The following PARP11 variants were observed in gnomAD, a reference collection of about 807,000 sequenced individuals.
PARP11 encodes the protein protein mono-ADP-ribosyltransferase PARP11.
PARP11 carries 31 observed loss-of-function variants against 42.9 expected under a neutral mutation model. The observed-to-expected ratio is 0.72, with a 90% CI of 0.54 to 0.98. The LOEUF (loss-of-function observed/expected upper bound fraction) is 0.98. PARP11 is among the 50% of genes least tolerant of loss of function. PARP11 has a pLI of 0.00. For missense variants in PARP11, 365 were observed against 413.1 expected (o/e 0.88, Z 1.01); for synonymous variants, 137 against 127.3 (o/e 1.08, Z -0.51).
At chr12:3,824,803 A>G (rs572834059) in intron 4 of PARP11, 2 of 158,480 alleles carry the variant, frequency 1.3e-5, no homozygotes, top group African/African-American at 4.8e-5. Flanking sequence ...TTTCTCCCAG[A>G]TTAAATACTT....
intron 1 of PARP11, among the ~76,000 whole-genome samples, chr12:3,847,541 G>A (rs1307492160): frequency 1.3e-5 from 2 of 152,086 alleles, no homozygotes; most frequent in Non-Finnish European, 2.9e-5. Context: ...CAACATGACA[G>A]ATCACAACAA....
At chr12:3,839,626 C>T (rs1362635909) in intron 1 of PARP11, 12 of 1,037,534 alleles carry the variant, frequency 1.2e-5, no homozygotes, top group African/African-American at 1.6e-5. Flanking sequence ...AATAAGTGCC[C>T]TTTCTCTTAT....
At chr12:3,838,594 TAATA>T (rs1284426263) in intron 1 of PARP11, among the ~76,000 whole-genome samples, 2 of 151,822 alleles carry the variant, frequency 1.3e-5, no homozygotes, top group Non-Finnish European at 2.9e-5. Flanking sequence ...CAGAAGGAAA[TAATA>T]AATACCAGAG....
chr12:3,838,302 T>C (rs1349624081), intron 1 of PARP11, among the ~76,000 whole-genome samples: 2 of 151,956 alleles, frequency 1.3e-5, no homozygotes, highest in African/African-American at 4.8e-5. Flanking sequence ...GGAGGAACTT[T>C]GGAAACTACA....
At chr12:3,832,109 C>G (rs1242896151) in intron 1 of PARP11, 1 of 972,878 alleles carries the variant, frequency 1.0e-6, no homozygotes, top group Non-Finnish European at 1.2e-6. Context: ...TATAAAACAC[C>G]TTACCTAAGA....
At chr12:3,838,840 C>T (rs4614536) in intron 1 of PARP11, among the ~76,000 whole-genome samples, 1 of 152,188 alleles carries the variant, frequency 6.6e-6, no homozygotes, top group Non-Finnish European at 1.5e-5. Context: ...CGGCTCCCGG[C>T]GTGGGGAGCG....
chr12:3,861,343 T>C lies in PARP11; in HGVS notation c.18+11869A>G, dbSNP rs571149593. ...ATCATGAAGGCAAAGTCCTCATAAA[T>C]GGCATTAAGGCTTTTCTTAATATTT... On this transcript the variant is annotated intron_variant, in intron 1 of 7. Transcript: ENST00000228820. The surrounding 1 kb of genome is among the most constrained non-coding windows in gnomAD (Gnocchi z 4.6). Among the ~76,000 whole-genome samples, 1 of 152,368 alleles carries C rather than the reference T, an allele frequency of 6.6e-6. No individual in the cohort carries two copies. The highest frequency in any genetic ancestry group is 2.1e-4 in the South Asian group (1 of 4,832).
chr12:3,872,875 G>C (rs1357368137), intron 1 of PARP11: 2 of 829,216 alleles, frequency 2.4e-6, no homozygotes, highest in Non-Finnish European at 2.9e-6. Flanking sequence ...GCGGTGGGCC[G>C]AGATCACGCC....
intron 1 of PARP11, among the ~76,000 whole-genome samples, chr12:3,836,062 CAT>C (rs1001243656): frequency 7.9e-5 from 12 of 151,610 alleles, no homozygotes; most frequent in African/African-American, 2.2e-4. Context: ...CACTCACACA[CAT>C]ATATATGTGT....
intron 1 of PARP11, chr12:3,839,358 C>G: frequency 6.5e-7 from 1 of 1,537,994 alleles, no homozygotes; most frequent in Non-Finnish European, 8.7e-7. Flanking sequence ...CGGGGCCCCG[C>G]GAGGACGCGA....
At chr12:3,855,097 A>T (rs1160368094) in intron 1 of PARP11, among the ~76,000 whole-genome samples, 2 of 152,220 alleles carry the variant, frequency 1.3e-5, no homozygotes, top group African/African-American at 4.8e-5. Flanking sequence ...TCATGCTAAA[A>T]ACTCTCAATA....
intron 1 of PARP11, among the ~76,000 whole-genome samples, chr12:3,834,384 G>C (rs2138055626): frequency 6.6e-6 from 1 of 152,292 alleles, no homozygotes; most frequent in South Asian, 2.1e-4. Flanking sequence ...TGTGATCCCA[G>C]CACTTTGGGA....
At chr12:3,814,781 C>G (rs1947252198) in intron 6 of PARP11, among the ~76,000 whole-genome samples, 1 of 111,532 alleles carries the variant, frequency 9.0e-6, no homozygotes, top group Admixed American at 9.3e-5. Flanking sequence ...AATTATTTCA[C>G]AGAGAAATGA....
chr12:3,831,538 T>C lies in PARP11; in HGVS notation c.19-1520A>G, dbSNP rs188163367. Among the ~76,000 whole-genome samples, 81 of 152,242 alleles carry C rather than the reference T, an allele frequency of 5.3e-4. 1 individual carries two copies. The highest frequency in any genetic ancestry group is 4.4e-5 in the Non-Finnish European group (3 of 67,978). ...GATAGACTCCTTCCTCATTGGGATGTTGTTATAAATGAATGAGACAATGTT... is the reference window on the plus strand; with the variant it reads ...GATAGACTCCTTCCTCATTGGGATGCTGTTATAAATGAATGAGACAATGTT... On this transcript the variant is annotated intron_variant, in intron 1 of 7. Coordinates refer to ENST00000228820, the MANE Select transcript of PARP11 (RefSeq NM_020367.6).
chr12:3,846,561 C>T (rs1264099252), intron 1 of PARP11, among the ~76,000 whole-genome samples: 1 of 149,570 alleles, frequency 6.7e-6, no homozygotes, highest in Non-Finnish European at 1.5e-5. Context: ...TCGAGACCAT[C>T]CTGGCTAACA....
chr12:3,839,548 A>G, intron 1 of PARP11: 1 of 1,542,532 alleles, frequency 6.5e-7, no homozygotes. Flanking sequence ...TGAAGCGATT[A>G]TAGGAGGATC....
In PARP11 at chr12:3,840,575, G is replaced by C; in HGVS notation, c.19-10557C>G. ...ATCATAAGAAAACCTGATCGTGAAAGAGTTGAGGATTCTGATCACACAAGT... is the reference window on the plus strand; with the variant it reads ...ATCATAAGAAAACCTGATCGTGAAACAGTTGAGGATTCTGATCACACAAGT... On this transcript the variant is annotated intron_variant, in intron 1 of 7. Coordinates refer to ENST00000228820, the MANE Select transcript of PARP11 (RefSeq NM_020367.6). This position sits in a 1 kb window ranked among gnomAD's most constrained non-coding sequence, Gnocchi z 4.4. 6.6e-7 allele frequency: 1 copy of C among 1,504,016 alleles called. No individual in the cohort carries two copies. The highest frequency in any genetic ancestry group is 1.7e-5 in the Admixed American group (1 of 59,876). The allele number at this position is 1,504,016 out of a possible 1,614,324, so 93.2% of individuals were successfully genotyped here.
intron 1 of PARP11, chr12:3,841,980 G>T: frequency 6.2e-7 from 1 of 1,610,752 alleles, no homozygotes; most frequent in African/African-American, 1.3e-5. Context: ...ACGAAGGCCG[G>T]ACAGAGCAAT....
intron 1 of PARP11, among the ~76,000 whole-genome samples, chr12:3,864,320 AGATTT>A (rs1353603324): frequency 3.3e-5 from 5 of 152,184 alleles, no homozygotes; most frequent in African/African-American, 1.2e-4. Flanking sequence ...TATATATGTT[AGATTT>A]GAGTTGCTAA....
Sources: allele counts gnomAD v4.1 joint callset (sites outside exome capture counted in the v4.1 genomes callset), GRCh38; gene constraint gnomAD v4.1.1; non-coding constraint Gnocchi (gnomAD v3.1); transcripts MANE v1.5; gene names NCBI Gene and HGNC (gene_info 2026-07-23, HGNC 2026-07-21).